Variants in ZNF16 observed in about 807,000 individuals in gnomAD.
ZNF16 encodes zinc finger protein 16, also known as zinc finger protein KOX9.
ZNF16 carries 7 observed loss-of-function variants against 9.0 expected under a neutral mutation model. That is an observed-to-expected ratio of 0.78 (90% CI 0.44 to 1.47). ZNF16 has a LOEUF of 1.47. Ranked by LOEUF, ZNF16 falls within the 40% of genes most tolerant of loss-of-function variation. The probability of loss-of-function intolerance (pLI) is 0.01; values close to 1 mark genes in which losing one functional copy is unlikely to be tolerated. For synonymous variants in ZNF16, 312 were observed against 301.5 expected, an observed-to-expected ratio of 1.03 and a Z score of -0.36; for missense variants, 830 against 854.2, an observed-to-expected ratio of 0.97 and a Z score of 0.35.
rs1833505334 is a variant in ZNF16 at position 144,930,799 on chromosome 8, C to T, written c.1988G>A (p.Gly663Glu). ...GVKPYDCAAC[G>E]KAFSQRSKLI... ...CTTTGATCGCTGGCTGAAGGCTTTC[C>T]CACAAGCAGCACAGTCATAGGGCTT... Residue 663 changes from glycine (G) to glutamate (E), a missense_variant, in exon 3 of 3, where the codon GGG becomes GAG. By Grantham distance (98) the Gly-to-Glu change is moderately conservative. Coordinates refer to ENST00000394909, the MANE Select transcript of ZNF16 (RefSeq NM_006958.3). 3 of 1,553,166 alleles carry T rather than the reference C, an allele frequency of 1.9e-6. No individual in the cohort carries two copies. Among genetic ancestry groups the T allele is most frequent in the Non-Finnish European group, 2.6e-6 (3 of 1,152,438 alleles).
intron 2 of ZNF16, chr8:144,944,476 G>A (rs564913513): frequency 3.3e-5 from 5 of 150,222 alleles, no homozygotes; most frequent in African/African-American, 9.9e-5. Flanking sequence ...GTGAGCCACC[G>A]TGGTGCTGGG....
chr8:144,946,608 GGGCTTGTGTCCTGCTGTT>G lies in ZNF16; in HGVS notation c.-9-411_-9-394del, dbSNP rs1833944603. ...TGCTGTGGGTCTGTATCCTGCTGTT[GGGCTTGTGTCCTGCTGTT>G]GGGCCTGTGTCCTGCTGTTGGGCCT... On this transcript the variant is annotated intron_variant, in intron 1 of 2. Coordinates refer to ENST00000394909, the MANE Select transcript of ZNF16 (RefSeq NM_006958.3). Among the ~76,000 whole-genome samples, 7 of 132,240 alleles carry G rather than the reference GGGCTTGTGTCCTGCTGTT, an allele frequency of 5.3e-5. 1 individual carries two copies. The highest frequency in any genetic ancestry group is 1.5e-4 in the African/African-American group (5 of 34,186). The allele number at this position is 132,240 out of a possible 152,430, so 86.8% of individuals were successfully genotyped here. A position where few individuals can be genotyped will look rare whatever the true frequency, so the allele number is the denominator to read the frequency against.
rs977505784 is a variant in ZNF16 at position 144,931,145 on chromosome 8, T to A, written c.1642A>T (p.Thr548Ser). The A allele has an allele frequency of 1.2e-6, 2 of 1,614,192 alleles. No individual in the cohort carries two copies. The highest frequency in any genetic ancestry group is 1.7e-6 in the Non-Finnish European group (2 of 1,180,044). Reference protein sequence around the residue: ...VHTGEKPYECTECGKTFSQSS... With the variant: ...VHTGEKPYECSECGKTFSQSS... The stretch of plus-strand genomic sequence containing the variant: ...TGGCTGAAGGTTTTTCCACATTCAG[T>A]ACATTCATAGGGCTTCTCTCCAGTG... The change falls in exon 3 of 3, where the codon ACT (threonine) becomes TCT (serine). Residue 548 changes from threonine (T) to serine (S), a missense_variant. Physicochemically the swap from Thr to Ser is moderately conservative, Grantham distance 58. Coordinates refer to ENST00000394909, the MANE Select transcript of ZNF16 (RefSeq NM_006958.3).
intron 1 of ZNF16, chr8:144,948,364 T>C (rs1834013966): frequency 6.6e-6 from 1 of 152,204 alleles, no homozygotes; most frequent in Non-Finnish European, 1.5e-5. Flanking sequence ...CTAAGGTGCC[T>C]ACCACGTGGC....
At chr8:144,942,929 T>TA (rs898734633) in intron 2 of ZNF16, among the ~76,000 whole-genome samples, 1 of 152,208 alleles carries the variant, frequency 6.6e-6, no homozygotes, top group African/African-American at 2.4e-5. Context: ...TGTAGTTACT[T>TA]TTACTGGAGG....
At chr8:144,945,288 G>T in intron 2 of ZNF16, 1 of 152,144 alleles carries the variant, frequency 6.6e-6, no homozygotes, top group Non-Finnish European at 1.5e-5. Context: ...ACAGGTATGT[G>T]CCACCACACC....
At position 144,933,390 on chromosome 8, in the gene ZNF16, C is replaced by A. The variant is rs1030804134; in HGVS notation, c.197-800G>T. On this transcript the variant is annotated intron_variant, in intron 2 of 2. Transcript: ENST00000394909. The surrounding 1 kb of genome is among the most constrained non-coding windows in gnomAD (Gnocchi z 5.6). ...TTGCGGATGACTTCTGGCCTCGTAA[C>A]AATGTGCGTCATCTTTCCGCAGACA... 1.6e-4 allele frequency among the ~76,000 whole-genome samples: 24 copies of A among 152,154 alleles called. No individual in the cohort carries two copies. Among genetic ancestry groups the A allele is most frequent in the African/African-American group, 5.6e-4 (23 of 41,422 alleles).
At chr8:144,950,361 C>T (rs1834079027) in intron 1 of ZNF16, 1 of 152,210 alleles carries the variant, frequency 6.6e-6, no homozygotes, top group African/African-American at 2.4e-5. Context: ...TGTTGTTTCT[C>T]TACACTTTGT....
chr8:144,932,498 CATAGTTTTCTG>C lies in ZNF16; in HGVS notation c.278_288del (p.Ser93CysfsTer3). On this transcript the variant is annotated frameshift_variant, in exon 3 of 3. Coordinates refer to ENST00000394909, the MANE Select transcript of ZNF16 (RefSeq NM_006958.3). LOFTEE classifies it low-confidence loss of function (END_TRUNC). The surrounding 1 kb of genome is among the most constrained non-coding windows in gnomAD (Gnocchi z 5.0). ...TCGGGTACCTGGGAAACATCACCAG[CATAGTTTTCTG>C]ATATTTCTGCCTGTGATTCCAAATC... 1 of 1,614,234 alleles carries C rather than the reference CATAGTTTTCTG, an allele frequency of 6.2e-7. No individual in the cohort carries two copies. The highest frequency in any genetic ancestry group is 8.5e-7 in the Non-Finnish European group (1 of 1,180,044).
intron 2 of ZNF16, among the ~76,000 whole-genome samples, chr8:144,935,606 T>C (rs1016883579): frequency 2.6e-5 from 4 of 152,122 alleles, no homozygotes; most frequent in African/African-American, 4.8e-5. Context: ...TGACACCCAA[T>C]TGGAAAAAAG....
At chr8:144,937,294 C>T (rs1458678468) in intron 2 of ZNF16, among the ~76,000 whole-genome samples, 1 of 151,810 alleles carries the variant, frequency 6.6e-6, no homozygotes, top group Non-Finnish European at 1.5e-5. Flanking sequence ...TGCCACCATG[C>T]CCAGCTAATT....
rs867244352 is a variant in ZNF16 at position 144,930,599 on chromosome 8, C to A, written c.*139G>T. On this transcript the variant is annotated 3_prime_UTR_variant, in exon 3 of 3. Coordinates refer to ENST00000394909, the MANE Select transcript of ZNF16 (RefSeq NM_006958.3). Reference sequence around the variant, plus strand: ...GTAAAGGATGTTTCAAAGGAGGGTCCCAGGCTATGTGGCCACTGGATGTAG... The same window carrying A: ...GTAAAGGATGTTTCAAAGGAGGGTCACAGGCTATGTGGCCACTGGATGTAG... 2.9e-5 allele frequency: 27 copies of A among 920,274 alleles called. No homozygotes were observed. In the Middle Eastern group the frequency reaches 1.1e-3, roughly 36 times the overall value. 57.0% of individuals were successfully genotyped at this position (920,274 alleles called of 1,614,324 possible). A position where few individuals can be genotyped will look rare whatever the true frequency, so the allele number is the denominator to read the frequency against.
rs141655692 is a variant in ZNF16 at position 144,931,226 on chromosome 8, C to G, written c.1561G>C (p.Glu521Gln). 175 of 1,613,744 alleles carry G rather than the reference C, an allele frequency of 1.1e-4. No homozygotes were observed. The highest frequency in any genetic ancestry group is 3.3e-4 in the Middle Eastern group (2 of 6,082). The change falls in exon 3 of 3, where the codon GAG becomes CAG. Residue 521 changes from glutamate to glutamine, a missense_variant. By Grantham distance (29) the Glu-to-Gln change is conservative (BLOSUM62 2). Transcript: ENST00000394909. ...HTGDKPYACH[E>Q]CGKTFGRSSN... ...CTGCGACCAAAGGTCTTCCCACACT[C>G]GTGGCAGGCGTAGGGCTTGTCGCCT...
In ZNF16 at chr8:144,932,395, G is replaced by C. The variant is rs751177497; in HGVS notation, c.392C>G (p.Ser131Cys). The C allele has an allele frequency of 6.2e-7, 1 of 1,614,188 alleles. No homozygotes were observed. Among genetic ancestry groups the C allele is most frequent in the Admixed American group, 1.7e-5 (1 of 60,032 alleles). The change falls in exon 3 of 3, where the codon TCC (serine) becomes TGC (cysteine). Residue 131 changes from serine (S) to cysteine (C), a missense_variant. Physicochemically the swap from Ser to Cys is moderately radical, Grantham distance 112 (BLOSUM62 -1). Coordinates refer to ENST00000394909, the MANE Select transcript of ZNF16 (RefSeq NM_006958.3). This position sits in a 1 kb window ranked among gnomAD's most constrained non-coding sequence, Gnocchi z 5.0. ...PEGRRLPQSLSQEGDFTPAAM... is the reference protein window; with the variant it reads ...PEGRRLPQSLCQEGDFTPAAM... ...AGCTGGTGTGAAGTCCCCCTCCTGG[G>C]AGAGGGACTGTGGCAGCCTCCTGCC... is the stretch of plus-strand genomic sequence containing the variant.
rs138374649 is a variant in ZNF16, at chr8:144,931,829, G to A, written c.958C>T (p.Pro320Ser). The A allele has an allele frequency of 1.9e-6, 3 of 1,614,180 alleles. No homozygotes were observed. The highest frequency in any genetic ancestry group is 2.7e-5 in the African/African-American group (2 of 75,036). The change falls in exon 3 of 3, where the codon CCC (proline) becomes TCC (serine). Residue 320 changes from proline to serine, a missense_variant. Physicochemically the swap from Pro to Ser is moderately conservative, Grantham distance 74. Coordinates refer to ENST00000394909, the MANE Select transcript of ZNF16 (RefSeq NM_006958.3). Reference protein sequence around the residue: ...KHQKSHMSEKPYECNECGKAF... With the variant: ...KHQKSHMSEKSYECNECGKAF... Reference sequence around the variant, plus strand: ...TTCCCACATTCATTGCATTCATAGGGCTTCTCACTCATGTGAGACTTTTGG... The same window carrying A: ...TTCCCACATTCATTGCATTCATAGGACTTCTCACTCATGTGAGACTTTTGG...
In ZNF16 at chr8:144,930,670, T is replaced by G; in HGVS notation, c.*68A>C. 4.0e-6 allele frequency: 6 copies of G among 1,497,262 alleles called. No homozygotes were observed. Among genetic ancestry groups the G allele is most frequent in the Non-Finnish European group, 4.5e-6 (5 of 1,122,226 alleles). The allele number at this position is 1,497,262 out of a possible 1,614,324, so 92.7% of individuals were successfully genotyped here. On this transcript the variant is annotated 3_prime_UTR_variant, in exon 3 of 3. Coordinates refer to ENST00000394909, the MANE Select transcript of ZNF16 (RefSeq NM_006958.3). ...TTTCGGTCTGGGAAGTGGCAGAGGC[T>G]GAGACAATGGCCAAAGAGGAGTTGG...
intron 1 of ZNF16, among the ~76,000 whole-genome samples, chr8:144,946,881 G>T (rs1393057560): frequency 1.9e-4 from 13 of 67,158 alleles, no homozygotes; most frequent in East Asian, 5.9e-4. Flanking sequence ...GTCCTGCTGT[G>T]GGGCCTGTGT....
chr8:144,941,717 G>A (rs145755069), intron 2 of ZNF16, among the ~76,000 whole-genome samples: 2,333 of 151,024 alleles, frequency 0.015, 64 homozygotes, highest in African/African-American at 0.054. Context: ...GGAGTGCAGT[G>A]GCATGGTCTC....
In ZNF16 at chr8:144,932,427, G is replaced by A. The variant is rs145360943; in HGVS notation, c.360C>T (p.Val120=). 219 of 1,614,154 alleles carry A rather than the reference G, an allele frequency of 1.4e-4. No individual in the cohort carries two copies. In the African/African-American group the frequency reaches 2.6e-3, roughly 19 times the overall value. Residue 120 remains valine, a synonymous_variant, in exon 3 of 3, where the codon GTC becomes GTT. Transcript: ENST00000394909. This position sits in a 1 kb window ranked among gnomAD's most constrained non-coding sequence, Gnocchi z 5.0. ...ACTGTGGCAGCCTCCTGCCTTCGGG[G>A]ACTCCCCAGTCTCTTTCTGATACAT... is the stretch of plus-strand genomic sequence containing the variant. ...CDDVSERDWG[V]PEGRRLPQSL...
Sources: allele counts gnomAD v4.1 joint callset (sites outside exome capture counted in the v4.1 genomes callset), GRCh38; gene constraint gnomAD v4.1.1; non-coding constraint Gnocchi (gnomAD v3.1); transcripts MANE v1.5; gene names NCBI Gene and HGNC (gene_info 2026-07-23, HGNC 2026-07-21).